Variants in SLC47A2 observed in about 807,000 individuals in gnomAD.
SLC47A2 encodes the protein solute carrier family 47 member 2.
Under a neutral mutation model 67.7 loss-of-function variants are expected in SLC47A2, and 52 were observed. That is an observed-to-expected ratio of 0.77 (90% CI 0.61 to 0.97). SLC47A2 has a LOEUF of 0.97. Ranked by LOEUF, SLC47A2 falls within the 50% of genes least tolerant of loss-of-function variation. The pLI is 0.00. For missense variants in SLC47A2, 676 were observed against 712.3 expected, an observed-to-expected ratio of 0.95 and a Z score of 0.58; for synonymous variants, 278 against 292.9, an observed-to-expected ratio of 0.95 and a Z score of 0.52.
Position 19,705,489 on chromosome 17 carries a change from C to A in SLC47A2, c.856G>T (p.Val286Leu), listed in dbSNP as rs766602392. The change falls in exon 10 of 17, where the codon GTG becomes TTG. Residue 286 changes from valine to leucine, a missense_variant. Physicochemically the swap from Val to Leu is conservative, Grantham distance 32. Transcript: ENST00000433844. ...GSFLMGLLSV[V>L]DLSAQAVIYE... The stretch of plus-strand genomic sequence containing the variant: ...ATGACAGCCTGGGCAGAGAGATCCA[C>A]CACACTGAGCAGCCCTAGAGAAGAG... 1.9e-6 allele frequency: 3 copies of A among 1,610,122 alleles called. No individual in the cohort carries two copies. The Admixed American group carries it at 5.0e-5, about 27-fold the overall frequency.
At chr17:19,682,088 G>T (rs528681018) in intron 13 of SLC47A2, among the ~76,000 whole-genome samples, 2 of 152,228 alleles carry the variant, frequency 1.3e-5, no homozygotes, top group East Asian at 3.9e-4. Flanking sequence ...AATTTGGGCC[G>T]GGCATGGTGG....
At position 19,687,434 on chromosome 17, in the gene SLC47A2, G is replaced by A. The variant is rs143803275; in HGVS notation, c.1165-5764C>T. On this transcript the variant is annotated intron_variant, in intron 13 of 16. Coordinates refer to ENST00000433844, the MANE Select transcript of SLC47A2 (RefSeq NM_001099646.3). ...TAGTAGTCTGTGTCCTGTGAGGCCA[G>A]CCAGAAACATAGAAAAGCAAGAGCA... 6.2e-3 allele frequency among the ~76,000 whole-genome samples: 940 copies of A among 151,990 alleles called. 13 individuals are homozygous for A. The highest frequency in any genetic ancestry group is 0.021 in the African/African-American group (891 of 41,496).
At chr17:19,700,997 G>A (rs147541350) in intron 13 of SLC47A2, among the ~76,000 whole-genome samples, 2 of 150,340 alleles carry the variant, frequency 1.3e-5, no homozygotes, top group East Asian at 4.0e-4. Flanking sequence ...GTGAAACCCT[G>A]TCTCTACTAA....
chr17:19,682,687 A>C (rs1451613030), intron 13 of SLC47A2, among the ~76,000 whole-genome samples: 8 of 152,214 alleles, frequency 5.3e-5, no homozygotes, highest in Non-Finnish European at 2.9e-5. Context: ...ATTTGCCTTG[A>C]AACACTCACA....
chr17:19,703,230 C>T, intron 11 of SLC47A2, 63 bp from the exon 12 acceptor site: 2 of 1,487,368 alleles, frequency 1.3e-6, no homozygotes, highest in Non-Finnish European at 1.9e-6. Flanking sequence ...TTGCTCAGAT[C>T]AGCAAAGGGC....
At chr17:19,691,314 A>G (rs1431994417) in intron 13 of SLC47A2, among the ~76,000 whole-genome samples, 1 of 152,204 alleles carries the variant, frequency 6.6e-6, no homozygotes, top group Non-Finnish European at 1.5e-5. Flanking sequence ...TATTTATTGC[A>G]CTATTCACAA....
chr17:19,694,915 CA>C (rs34430678), intron 13 of SLC47A2, among the ~76,000 whole-genome samples: 45,906 of 121,784 alleles, frequency 0.38, 7,515 homozygotes, highest in East Asian at 0.58. Flanking sequence ...GACTCCATCT[CA>C]AAAAAAAAAA....
At chr17:19,686,415 T>C (rs773947037) in intron 13 of SLC47A2, among the ~76,000 whole-genome samples, 7 of 151,848 alleles carry the variant, frequency 4.6e-5, no homozygotes, top group Non-Finnish European at 5.9e-5. Context: ...AACCATAAAA[T>C]AAATAATAAA....
rs148369129 is a variant in SLC47A2 at position 19,705,386 on chromosome 17, C to T, written c.909+50G>A. On this transcript the variant is annotated intron_variant, in intron 10 of 16. Transcript: ENST00000433844. ...AGCCTGCCCCCCTCCTATGACACCT[C>T]CAGCCATCAGGTGGGGGATGTGGGG... The T allele has an allele frequency of 3.1e-5, 48 of 1,563,044 alleles. No homozygotes were observed. In the Admixed American group the frequency reaches 8.6e-4, roughly 28 times the overall value.
intron 5 of SLC47A2, among the ~76,000 whole-genome samples, chr17:19,709,496 C>T (rs1295325781): frequency 1.3e-5 from 2 of 152,166 alleles, no homozygotes; most frequent in East Asian, 3.9e-4. Context: ...TAATTCCTGG[C>T]TCTGCCTCTT....
intron 3 of SLC47A2, 104 bp from the exon 4 acceptor site, chr17:19,714,077 C>T: frequency 1.4e-6 from 2 of 1,463,012 alleles, no homozygotes; most frequent in South Asian, 1.4e-5. Flanking sequence ...GTGTGGCGGA[C>T]CCGGCGGCCT....
intron 5 of SLC47A2, among the ~76,000 whole-genome samples, chr17:19,710,679 C>T (rs2086070160): frequency 6.6e-6 from 1 of 152,146 alleles, no homozygotes; most frequent in African/African-American, 2.4e-5. Context: ...TCTCGAACTC[C>T]TGACCTCAGG....
chr17:19,701,728 C>A (rs541260057), intron 13 of SLC47A2, among the ~76,000 whole-genome samples: 2 of 152,136 alleles, frequency 1.3e-5, no homozygotes, highest in African/African-American at 4.8e-5. Context: ...TGCCTATTGT[C>A]CCAGCACTTT....
intron 16 of SLC47A2, 78 bp from the exon 17 acceptor site, chr17:19,678,984 G>C (rs2085251856): frequency 2.4e-6 from 3 of 1,255,392 alleles, no homozygotes; most frequent in Non-Finnish European, 3.4e-6. Flanking sequence ...GGGAAACCTA[G>C]GTTAACCACC....
chr17:19,681,133 T>A (rs1026986368), intron 15 of SLC47A2, among the ~76,000 whole-genome samples: 3 of 152,026 alleles, frequency 2.0e-5, no homozygotes, highest in Non-Finnish European at 2.9e-5. Context: ...GAATGGCATG[T>A]ACCCAGAAAG....
At chr17:19,679,254 C>T (rs1264722281) in intron 16 of SLC47A2, among the ~76,000 whole-genome samples, 1 of 152,232 alleles carries the variant, frequency 6.6e-6, no homozygotes, top group Non-Finnish European at 1.5e-5. Flanking sequence ...CTCATGACAA[C>T]TTACGCTCCC....
chr17:19,678,835 T>C lies in SLC47A2; in HGVS notation c.1552A>G (p.Arg518Gly), dbSNP rs769295746. The C allele has an allele frequency of 1.2e-6, 2 of 1,613,212 alleles. No homozygotes were observed. The highest frequency in any genetic ancestry group is 1.7e-6 in the Non-Finnish European group (2 of 1,179,552). Residue 518 changes from arginine to glycine, a missense_variant, in exon 17 of 17, where the codon AGG becomes GGG. Coordinates refer to ENST00000433844, the MANE Select transcript of SLC47A2 (RefSeq NM_001099646.3). The part of the protein sequence containing the change: ...SRSECHVDFF[R>G]TPEEAHALSA... The stretch of plus-strand genomic sequence containing the variant: ...AGGGCGTGGGCCTCCTCTGGAGTCC[T>C]GAAGAAGTCCACGTGGCACTCAGAC...
intron 3 of SLC47A2, 90 bp from the exon 4 acceptor site, chr17:19,714,063 C>T (rs1316110262): frequency 1.2e-5 from 18 of 1,495,432 alleles, no homozygotes; most frequent in Non-Finnish European, 1.4e-5. Flanking sequence ...GCGGCGCCAG[C>T]GGTGTGTGGC....
At chr17:19,715,925 T>TC (rs1364474908) in intron 1 of SLC47A2, 1 of 153,992 alleles carries the variant, frequency 6.5e-6, no homozygotes, top group African/African-American at 2.4e-5. Flanking sequence ...CGGGCTGGTC[T>TC]CCAACTCCTG....
Sources: allele counts gnomAD v4.1 joint callset (sites outside exome capture counted in the v4.1 genomes callset), GRCh38; gene constraint gnomAD v4.1.1; transcripts MANE v1.5; gene names NCBI Gene and HGNC (gene_info 2026-07-23, HGNC 2026-07-21).